The following POF1B variants were observed in gnomAD, a reference collection of about 807,000 sequenced individuals.
The protein encoded by POF1B is POF1B actin binding protein.
POF1B carries 53 observed loss-of-function variants against 55.3 expected under a neutral mutation model. The observed-to-expected ratio is 0.96, with a 90% CI of 0.77 to 1.20. The LOEUF (loss-of-function observed/expected upper bound fraction) is 1.20, where lower values mean the gene tolerates loss of function less well. Ranked by LOEUF, POF1B falls within the 50% of genes most tolerant of loss-of-function variation. The pLI, the probability that POF1B is intolerant of heterozygous loss-of-function variation, is 0.00. For synonymous variants in POF1B, 188 were observed against 148.3 expected (o/e 1.27, Z -1.95); for missense variants, 478 against 420.5 (o/e 1.14, Z -1.20).
intron 7 of POF1B, among the ~76,000 whole-genome samples, chrX:85,321,551 C>T (rs1396858246): frequency 9.1e-6 from 1 of 109,550 alleles, no homozygotes; most frequent in East Asian, 2.8e-4. Context: ...GATGCCCTCT[C>T]TCACTACTCC....
intron 7 of POF1B, among the ~76,000 whole-genome samples, chrX:85,321,293 G>C (rs956718681): frequency 1.3e-4 from 14 of 110,675 alleles, no homozygotes; most frequent in South Asian, 3.8e-4. Context: ...TCAATATATG[G>C]AAATCAATAA....
chrX:85,362,840 A>G (rs1933648170), intron 3 of POF1B, among the ~76,000 whole-genome samples: 1 of 111,156 alleles, frequency 9.0e-6, no homozygotes. Context: ...TTCTTTGTAC[A>G]TCTGGTAGAA....
chrX:85,349,349 C>T (rs1365873587), intron 5 of POF1B, among the ~76,000 whole-genome samples: 3 of 111,032 alleles, frequency 2.7e-5, no homozygotes, highest in African/African-American at 9.8e-5. Flanking sequence ...GTTTGATTTG[C>T]ATATGAAAAA....
chrX:85,319,569 T>C (rs1448673036), intron 7 of POF1B, among the ~76,000 whole-genome samples: 1 of 111,778 alleles, frequency 8.9e-6, no homozygotes, highest in African/African-American at 3.2e-5. Context: ...TGAGAGTTTT[T>C]AACATAAAGG....
intron 7 of POF1B, among the ~76,000 whole-genome samples, chrX:85,324,636 T>C (rs144059536): frequency 0.024 from 2,671 of 111,483 alleles, 96 homozygotes; most frequent in African/African-American, 0.082. Flanking sequence ...GAAGATAGGA[T>C]ACCTTTGAGT....
At chrX:85,378,105 C>A (rs903877871) in intron 2 of POF1B, among the ~76,000 whole-genome samples, 1 of 111,201 alleles carries the variant, frequency 9.0e-6, no homozygotes, top group African/African-American at 3.3e-5. Flanking sequence ...GTATTTATGA[C>A]CTTTATATTT....
intron 3 of POF1B, among the ~76,000 whole-genome samples, chrX:85,363,740 G>A (rs1314566101): frequency 9.0e-6 from 1 of 111,385 alleles, no homozygotes; most frequent in South Asian, 3.8e-4. Context: ...GGAGAGGAGA[G>A]TTCCGTAGAG....
chrX:85,332,205 C>T (rs1932991239), intron 6 of POF1B, among the ~76,000 whole-genome samples: 2 of 111,702 alleles, frequency 1.8e-5, no homozygotes, highest in South Asian at 7.4e-4. Context: ...TAAACCTACT[C>T]AATTCAATGT....
At chrX:85,345,414 C>T (rs1420254432) in intron 6 of POF1B, among the ~76,000 whole-genome samples, 1 of 111,094 alleles carries the variant, frequency 9.0e-6, no homozygotes, top group Admixed American at 9.6e-5. Context: ...AATATATTCT[C>T]AAAGAAGACA....
chrX:85,377,000 C>A (rs192956224), intron 2 of POF1B, among the ~76,000 whole-genome samples: 10 of 112,059 alleles, frequency 8.9e-5, no homozygotes, highest in African/African-American at 3.2e-4. Flanking sequence ...TGATGATCAA[C>A]CATTGATTGT....
intron 7 of POF1B, among the ~76,000 whole-genome samples, chrX:85,320,396 G>T (rs1374939685): frequency 2.7e-5 from 3 of 110,576 alleles, no homozygotes; most frequent in Admixed American, 9.7e-5. Flanking sequence ...AAACCAACGA[G>T]AACAAAGACA....
chrX:85,322,301 C>T (rs953157067), intron 7 of POF1B, among the ~76,000 whole-genome samples: 265 of 110,929 alleles, frequency 2.4e-3, no homozygotes, highest in Non-Finnish European at 3.7e-3. Flanking sequence ...ATATCTACAA[C>T]TATCTGATCT....
chrX:85,346,949 C>A (rs765028770), intron 5 of POF1B, among the ~76,000 whole-genome samples: 7 of 111,099 alleles, frequency 6.3e-5, no homozygotes, highest in Non-Finnish European at 1.1e-4. Flanking sequence ...TGATTTCCAG[C>A]TTAGACTTCT....
chrX:85,287,834 A>T (rs1932089956), intron 15 of POF1B, among the ~76,000 whole-genome samples: 1 of 111,752 alleles, frequency 8.9e-6, no homozygotes, highest in African/African-American at 3.2e-5. Flanking sequence ...CAGGTGTCAG[A>T]TCCTTAACAA....
intron 9 of POF1B, among the ~76,000 whole-genome samples, chrX:85,311,537 T>A (rs1395889320): frequency 8.9e-6 from 1 of 111,847 alleles, no homozygotes; most frequent in Non-Finnish European, 1.9e-5. Flanking sequence ...TCCTTTTTAA[T>A]GGCTGCATAG....
intron 9 of POF1B, among the ~76,000 whole-genome samples, chrX:85,309,210 G>A (rs935346061): frequency 9.1e-6 from 1 of 109,757 alleles, no homozygotes; most frequent in African/African-American, 3.3e-5. Flanking sequence ...TACATAGAGT[G>A]TACACCAAGT....
chrX:85,316,964 T>C (rs749216411), intron 7 of POF1B, among the ~76,000 whole-genome samples: 1 of 110,576 alleles, frequency 9.0e-6, no homozygotes, highest in East Asian at 2.9e-4. Context: ...TTATAAGTAA[T>C]AACATGCAGT....
chrX:85,354,447 A>C (rs1205059524), intron 4 of POF1B, among the ~76,000 whole-genome samples: 1 of 110,669 alleles, frequency 9.0e-6, no homozygotes, highest in Non-Finnish European at 1.9e-5. Flanking sequence ...AAGAGAGGGA[A>C]AACAAATTTA....
chrX:85,308,291 T>A, intron 9 of POF1B, 75 bp from the exon 10 acceptor site: 1 of 644,130 alleles, frequency 1.6e-6, no homozygotes, highest in Non-Finnish European at 2.3e-6. Context: ...AGTTTTTTTT[T>A]TCCTACTAGC....
Sources: allele counts gnomAD v4.1 joint callset (sites outside exome capture counted in the v4.1 genomes callset), GRCh38; gene constraint gnomAD v4.1.1; transcripts MANE v1.5; gene names NCBI Gene and HGNC (gene_info 2026-07-23, HGNC 2026-07-21).